CDH7: variants seen among roughly 807,000 people sequenced by gnomAD.
CDH7 encodes cadherin 7.
In CDH7, 25 loss-of-function variants were observed where a neutral mutation model predicts 71.8. That is an observed-to-expected ratio of 0.35 (90% CI 0.25 to 0.49). CDH7 has a LOEUF of 0.49. Ranked by LOEUF, CDH7 falls within the 20% of genes least tolerant of loss-of-function variation. The probability of loss-of-function intolerance (pLI) is 0.99; values close to 1 mark genes in which losing one functional copy is unlikely to be tolerated. For synonymous variants in CDH7, 381 were observed against 363.8 expected, an observed-to-expected ratio of 1.05 and a Z score of -0.54; for missense variants, 862 against 974.6, an observed-to-expected ratio of 0.88 and a Z score of 1.54.
intron 11 of CDH7, among the ~76,000 whole-genome samples, chr18:65,866,700 G>A (rs1386596021): frequency 6.6e-6 from 1 of 152,144 alleles, no homozygotes; most frequent in African/African-American, 2.4e-5. Context: ...ATATAAATAT[G>A]TTTACGCCTA....
At chr18:65,750,618 C>G (rs1413172667), upstream of CDH7, 2 of 152,278 alleles carry the variant, frequency 1.3e-5, no homozygotes, top group Non-Finnish European at 2.9e-5. Context: ...GCGGCTCCGT[C>G]TTCGCGTTCT....
At chr18:65,759,820 T>G (rs1291925328) in intron 1 of CDH7, among the ~76,000 whole-genome samples, 1 of 152,154 alleles carries the variant, frequency 6.6e-6, no homozygotes, top group East Asian at 1.9e-4. Context: ...TCGTTCCTCA[T>G]CAGTAAACAC....
rs1703716653 is a variant in CDH7, at chr18:65,762,707, A to T, written c.-136A>T. On this transcript the variant is annotated 5_prime_UTR_variant, in exon 2 of 12. Transcript: ENST00000397968. ...AGCAGTGGTGACCTCTTCCAATCCA[A>T]CACTCTACAGATTATTATCTCTGGA... is the stretch of plus-strand genomic sequence containing the variant. The T allele has an allele frequency of 3.0e-6, 2 of 665,846 alleles. No homozygotes were observed. The highest frequency in any genetic ancestry group is 5.1e-6 in the Non-Finnish European group (2 of 395,310). 41.2% of individuals were successfully genotyped at this position (665,846 alleles called of 1,614,324 possible).
intron 6 of CDH7, 104 bp from the exon 7 acceptor site, chr18:65,843,708 A>G (rs1340846515): frequency 9.6e-6 from 10 of 1,042,808 alleles, no homozygotes; most frequent in African/African-American, 3.3e-5. Flanking sequence ...GTGCATTTAC[A>G]TGACAGAGTC....
intron 1 of CDH7, among the ~76,000 whole-genome samples, chr18:65,755,600 T>C (rs1916007404): frequency 6.6e-6 from 1 of 152,308 alleles, no homozygotes; most frequent in East Asian, 1.9e-4. Flanking sequence ...GACTGTTTTC[T>C]CTCTAGTGTT....
chr18:65,868,546 G>A (rs1468635211), intron 11 of CDH7, among the ~76,000 whole-genome samples: 2 of 152,168 alleles, frequency 1.3e-5, no homozygotes, highest in African/African-American at 4.8e-5. Flanking sequence ...ATTACAGCCT[G>A]GGCACTGCCA....
chr18:65,834,285 T>C (rs952972680), intron 6 of CDH7, among the ~76,000 whole-genome samples: 6 of 152,186 alleles, frequency 3.9e-5, no homozygotes, highest in African/African-American at 1.4e-4. Context: ...TGCACTGTAA[T>C]AGCAAGGTAA....
intron 1 of CDH7, among the ~76,000 whole-genome samples, chr18:65,758,336 T>C (rs560709275): frequency 1.3e-5 from 2 of 152,266 alleles, no homozygotes; most frequent in South Asian, 4.2e-4. Context: ...TGAGATTTGA[T>C]TGAAAAAGAA....
chr18:65,829,692 A>T (rs1198057547), intron 6 of CDH7, among the ~76,000 whole-genome samples: 1 of 151,542 alleles, frequency 6.6e-6, no homozygotes, highest in East Asian at 2.0e-4. Flanking sequence ...AGTCTAAAAA[A>T]TCCCTCCTAT....
intron 10 of CDH7, among the ~76,000 whole-genome samples, chr18:65,862,174 T>C (rs971032582): frequency 6.6e-6 from 1 of 152,094 alleles, no homozygotes; most frequent in African/African-American, 2.4e-5. Context: ...AATATCCCTG[T>C]ATATTCAATT....
chr18:65,765,138 C>A (rs995608810), intron 2 of CDH7, among the ~76,000 whole-genome samples: 1 of 151,970 alleles, frequency 6.6e-6, no homozygotes, highest in African/African-American at 2.4e-5. Context: ...TATCGCCTTT[C>A]ATAGTAAATT....
intron 2 of CDH7, among the ~76,000 whole-genome samples, chr18:65,772,440 G>C (rs1170120885): frequency 2.0e-5 from 3 of 152,178 alleles, no homozygotes; most frequent in Non-Finnish European, 4.4e-5. Context: ...AATCGTAAGA[G>C]CTGAATTTAG....
Position 65,763,071 on chromosome 18 carries a change from T to A in CDH7, c.210+19T>A. ...AGGAAAGGTAGGGTATTGTGACCTT[T>A]CAAAGTTGTAAATGATTATTGTCCA... On this transcript the variant is annotated intron_variant, in intron 2 of 11. Coordinates refer to ENST00000397968, the MANE Select transcript of CDH7 (RefSeq NM_004361.5). 2 of 1,541,980 alleles carry A rather than the reference T, an allele frequency of 1.3e-6. No homozygotes were observed. The highest frequency in any genetic ancestry group is 1.8e-6 in the Non-Finnish European group (2 of 1,126,430).
At chr18:65,872,000 C>G (rs1206074102) in intron 11 of CDH7, among the ~76,000 whole-genome samples, 1 of 151,852 alleles carries the variant, frequency 6.6e-6, no homozygotes, top group Non-Finnish European at 1.5e-5. Flanking sequence ...GCCAAGAAAC[C>G]GAGTATGGAA....
chr18:65,869,849 G>A (rs1472395411), intron 11 of CDH7, among the ~76,000 whole-genome samples: 2 of 152,074 alleles, frequency 1.3e-5, no homozygotes, highest in African/African-American at 4.8e-5. Context: ...TGATTTGAAT[G>A]TACTGAATTG....
intron 11 of CDH7, chr18:65,865,381 T>C (rs943229335): frequency 6.6e-6 from 1 of 152,208 alleles, no homozygotes; most frequent in African/African-American, 2.4e-5. Context: ...CTACTCTTTC[T>C]GCTAAATTTG....
chr18:65,796,466 G>A (rs1910919046), intron 2 of CDH7, among the ~76,000 whole-genome samples: 1 of 152,150 alleles, frequency 6.6e-6, no homozygotes, highest in South Asian at 2.1e-4. Context: ...CCCATGCCTT[G>A]TGCAGTTCCT....
chr18:65,827,320 TAAG>T (rs1460213735), intron 6 of CDH7, among the ~76,000 whole-genome samples: 1 of 151,868 alleles, frequency 6.6e-6, no homozygotes, highest in East Asian at 1.9e-4. Context: ...AGGAGAATCT[TAAG>T]AATCAATGGT....
chr18:65,853,201 C>T (rs997295636), intron 7 of CDH7, among the ~76,000 whole-genome samples: 4 of 152,142 alleles, frequency 2.6e-5, no homozygotes, highest in African/African-American at 4.8e-5. Flanking sequence ...GTTCACACAC[C>T]GCTAATGGCA....
Sources: gnomAD v4.1 joint callset for allele counts (sites outside exome capture counted in the v4.1 genomes callset) on GRCh38, gnomAD v4.1.1 for gene constraint, MANE v1.5 for transcripts, NCBI Gene and HGNC (gene_info 2026-07-23, HGNC 2026-07-21) for gene names.